ELF1: variants seen among roughly 807,000 people sequenced by gnomAD.
ELF1 encodes the protein E74 like ETS transcription factor 1, also known as ETS-related transcription factor Elf-1.
In ELF1, 24 loss-of-function variants were observed where a neutral mutation model predicts 59.9. The observed-to-expected ratio is 0.40, with a 90% CI of 0.29 to 0.56. ELF1 has a LOEUF of 0.56. ELF1 is among the 20% of genes least tolerant of loss of function. The probability of loss-of-function intolerance (pLI) is 0.44; values close to 1 mark genes in which losing one functional copy is unlikely to be tolerated. For missense variants in ELF1, 627 were observed against 742.2 expected (o/e 0.84, Z 1.80); for synonymous variants, 248 against 266.2 (o/e 0.93, Z 0.67).
chr13:41,048,710 G>T (rs564460370), intron 1 of ELF1, among the ~76,000 whole-genome samples: 1 of 151,660 alleles, frequency 6.6e-6, no homozygotes, highest in Non-Finnish European at 1.5e-5. Flanking sequence ...ACTACGCCTA[G>T]CCGAAGGTAT....
chr13:41,000,554 T>G (rs2138332929), intron 1 of ELF1, among the ~76,000 whole-genome samples: 1 of 152,194 alleles, frequency 6.6e-6, no homozygotes, highest in Admixed American at 6.5e-5. Context: ...GTTTTCTGCT[T>G]TATCGCTTTG....
At chr13:40,959,767 C>G (rs1871697135) in intron 2 of ELF1, among the ~76,000 whole-genome samples, 1 of 140,864 alleles carries the variant, frequency 7.1e-6, no homozygotes, top group Non-Finnish European at 1.6e-5. Context: ...AACTATTACT[C>G]CTAATGTCTA....
upstream of ELF1, among the ~76,000 whole-genome samples, chr13:41,022,698 T>G (rs544865604): frequency 6.6e-6 from 1 of 152,266 alleles, no homozygotes; most frequent in Admixed American, 6.5e-5. Context: ...CTGGCCAACA[T>G]GGTGAAACCG....
At chr13:41,020,503 T>C (rs750922087), upstream of ELF1, among the ~76,000 whole-genome samples, 1 of 152,234 alleles carries the variant, frequency 6.6e-6, no homozygotes, top group Non-Finnish European at 1.5e-5. Context: ...TTAGGAACTT[T>C]ACAAAATGCT....
At chr13:41,006,566 G>A (rs1294308404) in intron 1 of ELF1, among the ~76,000 whole-genome samples, 1 of 152,152 alleles carries the variant, frequency 6.6e-6, no homozygotes, top group Non-Finnish European at 1.5e-5. Flanking sequence ...ACCAAGGGCA[G>A]ATAAGTATTA....
chr13:40,975,437 C>T (rs1376940548), intron 2 of ELF1, among the ~76,000 whole-genome samples: 1 of 152,136 alleles, frequency 6.6e-6, no homozygotes, highest in Non-Finnish European at 1.5e-5. Context: ...AAAACAAAAG[C>T]ATCCACATGC....
At chr13:40,980,480 A>C (rs1873192961) in intron 2 of ELF1, among the ~76,000 whole-genome samples, 1 of 152,198 alleles carries the variant, frequency 6.6e-6, no homozygotes, top group African/African-American at 2.4e-5. Context: ...TAAGTATATC[A>C]TACATAGTAA....
chr13:40,934,098 C>A (rs1047811070), intron 8 of ELF1, 70 bp from the exon 9 acceptor site: 38 of 1,521,082 alleles, frequency 2.5e-5, no homozygotes, highest in Non-Finnish European at 3.0e-5. Flanking sequence ...TAACACTTGA[C>A]AAGTCATTTT....
chr13:41,046,326 T>C (rs1158842439), intron 1 of ELF1, among the ~76,000 whole-genome samples: 4 of 152,212 alleles, frequency 2.6e-5, no homozygotes, highest in Non-Finnish European at 5.9e-5. Flanking sequence ...ATCCTGTCAT[T>C]ACTATGTTAG....
upstream of ELF1, among the ~76,000 whole-genome samples, chr13:41,020,021 G>A (rs956594546): frequency 4.6e-5 from 7 of 152,210 alleles, no homozygotes; most frequent in African/African-American, 1.7e-4. Flanking sequence ...TACGATCATA[G>A]TTCATAACTC....
intron 6 of ELF1, 102 bp downstream of exon 6, chr13:40,943,740 C>T (rs1228188237): frequency 1.1e-6 from 1 of 886,076 alleles, no homozygotes; most frequent in Non-Finnish European, 1.6e-6. Context: ...CAATAAGATC[C>T]ACTGCAGTAT....
intron 3 of ELF1, 150 bp from the exon 4 acceptor site, chr13:40,951,586 A>C: frequency 6.2e-6 from 3 of 480,234 alleles, no homozygotes; most frequent in Non-Finnish European, 1.0e-5. Context: ...AATCATACCA[A>C]ACCTGGCTGG....
intron 5 of ELF1, among the ~76,000 whole-genome samples, chr13:40,945,882 C>T (rs1474337118): frequency 2.0e-5 from 3 of 152,172 alleles, no homozygotes; most frequent in Non-Finnish European, 2.9e-5. Context: ...CTCACTCTGT[C>T]GCTCAGGCTG....
chr13:41,034,177 T>C (rs1376978130), intron 1 of ELF1, among the ~76,000 whole-genome samples: 1 of 152,182 alleles, frequency 6.6e-6, no homozygotes. Context: ...ACTGGTACTC[T>C]TCCAAAGGGT....
At chr13:40,959,278 C>T (rs1019642922) in intron 2 of ELF1, among the ~76,000 whole-genome samples, 2 of 152,024 alleles carry the variant, frequency 1.3e-5, no homozygotes, top group African/African-American at 2.4e-5. Flanking sequence ...AGGCAGATCA[C>T]GAGGGTCAGG....
chr13:40,978,398 A>T (rs1177710065), intron 2 of ELF1, among the ~76,000 whole-genome samples: 1 of 151,988 alleles, frequency 6.6e-6, no homozygotes, highest in East Asian at 1.9e-4. Flanking sequence ...CAAAAAAGAA[A>T]AGAAAATGTA....
chr13:40,961,840 C>T (rs1403768096), intron 2 of ELF1, among the ~76,000 whole-genome samples: 2 of 152,214 alleles, frequency 1.3e-5, no homozygotes, highest in Admixed American at 1.3e-4. Context: ...CAGAGCTCAT[C>T]ACTTCATCCA....
chr13:41,019,658 G>A (rs1875610527), upstream of ELF1, among the ~76,000 whole-genome samples: 1 of 152,042 alleles, frequency 6.6e-6, no homozygotes, highest in Non-Finnish European at 1.5e-5. Context: ...ACTGTGAAAG[G>A]AAAAAAGTAT....
At chr13:40,949,233 A>T (rs186239888) in intron 5 of ELF1, among the ~76,000 whole-genome samples, 283 of 151,100 alleles carry the variant, frequency 1.9e-3, no homozygotes, top group Non-Finnish European at 2.5e-3. Context: ...TTATCCACCC[A>T]CCCCCACCTC....
Sources: gnomAD v4.1 joint callset for allele counts (sites outside exome capture counted in the v4.1 genomes callset) on GRCh38, gnomAD v4.1.1 for gene constraint, MANE v1.5 for transcripts, NCBI Gene and HGNC (gene_info 2026-07-23, HGNC 2026-07-21) for gene names.